Variants in PSTPIP1 observed in about 807,000 individuals in gnomAD.
PSTPIP1 encodes the protein proline-serine-threonine phosphatase interacting protein 1.
Under a neutral mutation model 69.6 loss-of-function variants are expected in PSTPIP1, and 66 were observed. The observed-to-expected ratio is 0.95, with a 90% CI of 0.78 to 1.16. The LOEUF is 1.16. PSTPIP1 is among the 50% of genes most tolerant of loss of function. The probability of loss-of-function intolerance (pLI) is 0.00; values close to 1 mark genes in which losing one functional copy is unlikely to be tolerated. For synonymous variants in PSTPIP1, 266 were observed against 222.7 expected (o/e 1.19, Z -1.73); for missense variants, 603 against 557.4 (o/e 1.08, Z -0.82).
At chr15:77,000,181 G>A (rs376097505) in intron 1 of PSTPIP1, among the ~76,000 whole-genome samples, 44 of 152,298 alleles carry the variant, frequency 2.9e-4, no homozygotes, top group African/African-American at 9.4e-4. Context: ...CACCGCTGCC[G>A]AGTGGGGCAG....
chr15:77,016,960 T>C (rs1192086891), intron 1 of PSTPIP1, among the ~76,000 whole-genome samples: 1 of 151,998 alleles, frequency 6.6e-6, no homozygotes, highest in East Asian at 1.9e-4. Flanking sequence ...CCTTGGAGAC[T>C]GTAATGTGTG....
chr15:77,027,746 A>G lies in PSTPIP1; in HGVS notation c.355-106A>G. 2 of 1,323,650 alleles carry G rather than the reference A, an allele frequency of 1.5e-6. No homozygotes were observed. Among genetic ancestry groups the G allele is most frequent in the Non-Finnish European group, 2.1e-6 (2 of 944,064 alleles). 82.0% of individuals were successfully genotyped at this position (1,323,650 alleles called of 1,614,324 possible). On this transcript the variant is annotated intron_variant, in intron 5 of 14. Transcript: ENST00000558012. The surrounding 1 kb of genome is among the most constrained non-coding windows in gnomAD (Gnocchi z 4.3). ...GGGCAGCCTGTCACCCTCTCTCCAG[A>G]GCCAGGAGAGGTGCTGCGCCTCATC...
rs1027661468 is a variant in PSTPIP1, at chr15:77,006,929, G to A, written c.37-11219G>A. Among the ~76,000 whole-genome samples, 9 of 152,272 alleles carry A rather than the reference G, an allele frequency of 5.9e-5. No homozygotes were observed. The South Asian group carries it at 8.3e-4, about 14-fold the overall frequency. ...TCAAGATTGTTTTGGCTCTTTGGGGGCCCGAGTAGAGCTGCTTTTGTTGTT... is the reference window on the plus strand; with the variant it reads ...TCAAGATTGTTTTGGCTCTTTGGGGACCCGAGTAGAGCTGCTTTTGTTGTT... On this transcript the variant is annotated intron_variant, in intron 1 of 14. Transcript: ENST00000558012.
chr15:76,994,710 G>T, upstream of PSTPIP1: 1 of 1,273,604 alleles, frequency 7.9e-7, no homozygotes, highest in Non-Finnish European at 1.0e-6. Flanking sequence ...CAGCCCCCCA[G>T]AGCACAGCTG....
intron 5 of PSTPIP1, 80 bp downstream of exon 5, chr15:77,025,684 T>G: frequency 5.3e-5 from 41 of 777,926 alleles, no homozygotes; most frequent in Non-Finnish European, 6.8e-5. Flanking sequence ...GGGCTGACCT[T>G]CCTGGTAGAG....
At chr15:77,015,756 G>T (rs1200622054) in intron 1 of PSTPIP1, 1 of 360,822 alleles carries the variant, frequency 2.8e-6, no homozygotes, top group African/African-American at 2.1e-5. Flanking sequence ...GGCGCGGGCT[G>T]GGGGAAGGGG....
intron 5 of PSTPIP1, chr15:77,026,142 C>T (rs955117154): frequency 6.6e-6 from 3 of 456,086 alleles, no homozygotes; most frequent in Non-Finnish European, 1.3e-5. Context: ...GACAGAGTGA[C>T]TGCATGGAAG....
At chr15:77,036,254 C>T (rs1252898070) in intron 14 of PSTPIP1, among the ~76,000 whole-genome samples, 1 of 152,152 alleles carries the variant, frequency 6.6e-6, no homozygotes, top group Non-Finnish European at 1.5e-5. Context: ...GCACATGTAC[C>T]TATGCCGTCC....
At chr15:77,013,383 G>T (rs1296745038) in intron 1 of PSTPIP1, among the ~76,000 whole-genome samples, 1 of 152,154 alleles carries the variant, frequency 6.6e-6, no homozygotes, top group Non-Finnish European at 1.5e-5. Flanking sequence ...ACACTGCACT[G>T]CCAGCTGCCT....
At chr15:77,032,078 C>T (rs914861593) in intron 10 of PSTPIP1, among the ~76,000 whole-genome samples, 12 of 152,212 alleles carry the variant, frequency 7.9e-5, no homozygotes, top group Non-Finnish European at 1.5e-4. Context: ...CCTTAGAGGA[C>T]AGGTGTGAGT....
rs1317060642 is a variant in PSTPIP1, at chr15:77,018,630, G to A, written c.212+99G>A. The A allele has an allele frequency of 7.8e-6, 10 of 1,280,266 alleles. 1 individual carries two copies. Among genetic ancestry groups the A allele is most frequent in the African/African-American group, 1.5e-5 (1 of 66,290 alleles). 79.3% of individuals were successfully genotyped at this position (1,280,266 alleles called of 1,614,324 possible). A position where few individuals can be genotyped will look rare whatever the true frequency, so the allele number is the denominator to read the frequency against. ...GTCTTCCTGGCATGGGGGAGGCTGG[G>A]CAGAACCAGGGTAGGTCTGGATTGC... On this transcript the variant is annotated intron_variant, in intron 3 of 14. Coordinates refer to ENST00000558012, the MANE Select transcript of PSTPIP1 (RefSeq NM_003978.5).
At chr15:76,996,328 C>A (rs2152659591) in intron 1 of PSTPIP1, among the ~76,000 whole-genome samples, 2 of 152,354 alleles carry the variant, frequency 1.3e-5, no homozygotes, top group African/African-American at 4.8e-5. Context: ...GGCCACGTAG[C>A]CTGCAGCCCA....
intron 10 of PSTPIP1, chr15:77,031,823 C>T (rs2076425059): frequency 1.1e-5 from 2 of 178,142 alleles, no homozygotes; most frequent in Non-Finnish European, 1.2e-5. Context: ...CAGCCCTGGC[C>T]CCCTTGCCTG....
At chr15:77,008,421 GT>G (rs1212127310) in intron 1 of PSTPIP1, among the ~76,000 whole-genome samples, 1 of 152,048 alleles carries the variant, frequency 6.6e-6, no homozygotes, top group East Asian at 1.9e-4. Context: ...TGTTTTGTTT[GT>G]TTTTTGAGAC....
chr15:77,003,396 A>C (rs1363502831), intron 1 of PSTPIP1, among the ~76,000 whole-genome samples: 3 of 152,162 alleles, frequency 2.0e-5, no homozygotes, highest in African/African-American at 4.8e-5. Flanking sequence ...CAGGCTTAGA[A>C]GGAAATCGGC....
At chr15:77,002,121 T>TGCCATTCAGTCCACATGCCCCCAAAC (rs2075721352) in intron 1 of PSTPIP1, among the ~76,000 whole-genome samples, 1 of 152,264 alleles carries the variant, frequency 6.6e-6, no homozygotes, top group Non-Finnish European at 1.5e-5. Context: ...CCAGGCATGC[T>TGCCATTCAGTCCACATGCCCCCAAAC]GCCATTCAGT....
rs149195362 is a variant in PSTPIP1 at position 77,032,393 on chromosome 15, C to T, written c.837C>T (p.Pro279=). 6,447 of 1,612,612 alleles carry T rather than the reference C, an allele frequency of 4.0e-3. 29 individuals carry two copies. Among genetic ancestry groups the T allele is most frequent in the Non-Finnish European group, 4.2e-3 (4,899 of 1,179,762 alleles). ...IQAKSTGTEP[P]APVPYQNYYD... Reference sequence around the variant, plus strand: ...CCAAGAGCACGGGCACAGAGCCCCCCGGTGAGGTCCGGCTTGCGGACAGCG... The same window carrying T: ...CCAAGAGCACGGGCACAGAGCCCCCTGGTGAGGTCCGGCTTGCGGACAGCG... Residue 279 remains proline (P), a splice_region_variant and synonymous_variant, in exon 11 of 15, where the codon CCC becomes CCT. Coordinates refer to ENST00000558012, the MANE Select transcript of PSTPIP1 (RefSeq NM_003978.5).
chr15:76,995,463 G>A lies in PSTPIP1; in HGVS notation c.-111G>A. 3 of 1,579,974 alleles carry A rather than the reference G, an allele frequency of 1.9e-6. No individual in the cohort carries two copies. Among genetic ancestry groups the A allele is most frequent in the African/African-American group, 1.3e-5 (1 of 74,200 alleles). On this transcript the variant is annotated 5_prime_UTR_variant, in exon 1 of 15. Coordinates refer to ENST00000558012, the MANE Select transcript of PSTPIP1 (RefSeq NM_003978.5). Reference sequence around the variant, plus strand: ...TGTTGCAGACGGCGCCGGCCGGGAAGGGGGGCCTGGGCCAGCCCTGCCAGG... The same window carrying A: ...TGTTGCAGACGGCGCCGGCCGGGAAAGGGGGCCTGGGCCAGCCCTGCCAGG...
At chr15:77,011,692 G>A (rs763319829) in intron 1 of PSTPIP1, among the ~76,000 whole-genome samples, 5 of 152,120 alleles carry the variant, frequency 3.3e-5, no homozygotes, top group East Asian at 3.9e-4. Context: ...TACATGGATC[G>A]CAGCAGTACT....
Sources: allele counts gnomAD v4.1 joint callset (sites outside exome capture counted in the v4.1 genomes callset), GRCh38; gene constraint gnomAD v4.1.1; non-coding constraint Gnocchi (gnomAD v3.1); transcripts MANE v1.5; gene names NCBI Gene and HGNC (gene_info 2026-07-23, HGNC 2026-07-21).